CDK14: variants seen among roughly 807,000 people sequenced by gnomAD.
The protein encoded by CDK14 is cyclin dependent kinase 14.
Under a neutral mutation model 60.7 loss-of-function variants are expected in CDK14, and 34 were observed. The observed-to-expected ratio is 0.56, with a 90% CI of 0.43 to 0.75. CDK14 has a LOEUF of 0.75. Among genes scored for constraint, CDK14 ranks in the 30% least tolerant of loss-of-function variants. CDK14 has a pLI of 0.00. For missense variants in CDK14, 482 were observed against 564.1 expected (o/e 0.85, Z 1.47); for synonymous variants, 197 against 203.7 (o/e 0.97, Z 0.28).
At position 91,202,501 on chromosome 7, in the gene CDK14, A is replaced by G. The variant is rs145894230; in HGVS notation, c.*29-4664A>G. ...TAATAAAGGTAAGGGAAAGAATTACATTGATATTATATTTCACTTCCCTGT... is the reference window on the plus strand; with the variant it reads ...TAATAAAGGTAAGGGAAAGAATTACGTTGATATTATATTTCACTTCCCTGT... On this transcript the variant is annotated intron_variant, in intron 14 of 14. Transcript: ENST00000380050. Among the ~76,000 whole-genome samples the G allele has an allele frequency of 1.5e-3, 232 of 152,336 alleles. 2 individuals carry two copies. Among genetic ancestry groups the G allele is most frequent in the African/African-American group, 5.4e-3 (223 of 41,576 alleles).
intron 6 of CDK14, 54 bp downstream of exon 6, chr7:90,863,323 T>G (rs903681423): frequency 1.1e-5 from 12 of 1,079,104 alleles, no homozygotes; most frequent in South Asian, 4.2e-5. Flanking sequence ...ATGAAATTCT[T>G]ATAGTGTTGT....
At chr7:90,619,677 T>C (rs1465357437) in intron 2 of CDK14, among the ~76,000 whole-genome samples, 3 of 152,102 alleles carry the variant, frequency 2.0e-5, no homozygotes, top group Non-Finnish European at 4.4e-5. Flanking sequence ...GAAGGCTGTT[T>C]TGGGGAATGT....
At chr7:90,721,838 T>A (rs189041171) in intron 2 of CDK14, among the ~76,000 whole-genome samples, 1 of 152,306 alleles carries the variant, frequency 6.6e-6, no homozygotes. Context: ...TGAGGTTTTA[T>A]CTTTTACTAA....
At position 90,993,037 on chromosome 7, in the gene CDK14, CAGAAGGG is replaced by C. The variant is rs1795583699; in HGVS notation, c.1041+8806_1041+8812del. 2.0e-5 allele frequency among the ~76,000 whole-genome samples: 3 copies of C among 152,002 alleles called. No individual in the cohort carries two copies. In the South Asian group the frequency reaches 6.2e-4, roughly 32 times the overall value. ...CTGTTTTGGAGAGTAGATGATAGTT[CAGAAGGG>C]AGAAGGGAGGAAGAATGTCCAGAGG... On this transcript the variant is annotated intron_variant, in intron 10 of 14. Transcript: ENST00000380050.
intron 2 of CDK14, among the ~76,000 whole-genome samples, chr7:90,719,660 ATG>A (rs1802374541): frequency 1.3e-5 from 2 of 152,150 alleles, no homozygotes; most frequent in Non-Finnish European, 2.9e-5. Flanking sequence ...GAATATCCAT[ATG>A]TGTGGGTGCA....
intron 14 of CDK14, among the ~76,000 whole-genome samples, chr7:91,176,236 A>T (rs1238858428): frequency 1.3e-5 from 2 of 152,194 alleles, no homozygotes; most frequent in Non-Finnish European, 2.9e-5. Flanking sequence ...ATGAAGGCAT[A>T]AATAAAGATG....
chr7:90,775,329 A>T (rs932155132), intron 4 of CDK14, among the ~76,000 whole-genome samples: 1 of 152,218 alleles, frequency 6.6e-6, no homozygotes, highest in African/African-American at 2.4e-5. Context: ...TAGATACAGT[A>T]TGATATGTAG....
chr7:90,748,359 A>C (rs1007859262), intron 4 of CDK14, among the ~76,000 whole-genome samples: 9 of 152,064 alleles, frequency 5.9e-5, no homozygotes, highest in Non-Finnish European at 8.8e-5. Context: ...ATTCTTGAAA[A>C]GCTTGTCCTC....
At chr7:91,193,734 T>C (rs1020484640) in intron 14 of CDK14, among the ~76,000 whole-genome samples, 1 of 152,068 alleles carries the variant, frequency 6.6e-6, no homozygotes, top group African/African-American at 2.4e-5. Context: ...TAACTACATA[T>C]ACTTTATACA....
At chr7:91,061,794 G>A (rs1435814377) in intron 11 of CDK14, among the ~76,000 whole-genome samples, 1 of 152,212 alleles carries the variant, frequency 6.6e-6, no homozygotes, top group African/African-American at 2.4e-5. Flanking sequence ...GCCTTGTGAG[G>A]TGTCAGTCTG....
At chr7:90,908,865 T>A (rs1460225173) in intron 7 of CDK14, among the ~76,000 whole-genome samples, 1 of 152,198 alleles carries the variant, frequency 6.6e-6, no homozygotes, top group Non-Finnish European at 1.5e-5. Flanking sequence ...TTCTTTGGTA[T>A]AACTTGTTTT....
chr7:91,101,813 G>C (rs887405216), intron 12 of CDK14, among the ~76,000 whole-genome samples: 1 of 152,004 alleles, frequency 6.6e-6, no homozygotes, highest in Non-Finnish European at 1.5e-5. Flanking sequence ...ACCAATTTCT[G>C]ACCCCTCCTT....
At chr7:90,933,690 C>T (rs1040585786) in intron 8 of CDK14, among the ~76,000 whole-genome samples, 2 of 152,124 alleles carry the variant, frequency 1.3e-5, no homozygotes, top group African/African-American at 4.8e-5. Context: ...TTTCAAGGTC[C>T]AAATAGGATT....
chr7:91,096,803 G>A lies in CDK14; in HGVS notation c.1155-15739G>A, dbSNP rs1009020716. On this transcript the variant is annotated intron_variant, in intron 12 of 14. Coordinates refer to ENST00000380050, the MANE Select transcript of CDK14 (RefSeq NM_001287135.2). ...CTCACAGTATCATGGTCACAAAGTC[G>A]AGTGCATCACTAGGCCTTGGCCTGA... 9.9e-5 allele frequency among the ~76,000 whole-genome samples: 15 copies of A among 152,226 alleles called. 1 individual carries two copies. In the East Asian group the frequency reaches 2.7e-3, roughly 27 times the overall value.
intron 5 of CDK14, among the ~76,000 whole-genome samples, chr7:90,814,001 T>C (rs976332989): frequency 1.3e-5 from 2 of 152,176 alleles, no homozygotes; most frequent in Admixed American, 6.5e-5. Flanking sequence ...AGTGTCAACA[T>C]TAGTGATTTA....
At position 90,929,905 on chromosome 7, in the gene CDK14, A is replaced by G. The variant is rs192208801; in HGVS notation, c.826+12181A>G. 1.7e-3 allele frequency among the ~76,000 whole-genome samples: 256 copies of G among 152,292 alleles called. 1 individual carries two copies. The highest frequency in any genetic ancestry group is 6.8e-3 in the Middle Eastern group (2 of 294). The stretch of plus-strand genomic sequence containing the variant: ...GAGTGAACACTACTACTGCTGTCCA[A>G]TTTCAATGTTTGTTGTCTCTTAAGG... On this transcript the variant is annotated intron_variant, in intron 8 of 14. Transcript: ENST00000380050.
intron 13 of CDK14, among the ~76,000 whole-genome samples, chr7:91,114,085 C>G (rs1207987702): frequency 6.6e-6 from 1 of 152,094 alleles, no homozygotes; most frequent in Non-Finnish European, 1.5e-5. Flanking sequence ...TGTAAATAGG[C>G]TCACTAGTTT....
chr7:91,100,175 A>G lies in CDK14; in HGVS notation c.1155-12367A>G, dbSNP rs1222157861. Reference sequence around the variant, plus strand: ...TACTACCCCATATATGAAAAATACTATTAATGTTTGGTGATCTCTGATAAA... The same window carrying G: ...TACTACCCCATATATGAAAAATACTGTTAATGTTTGGTGATCTCTGATAAA... On this transcript the variant is annotated intron_variant, in intron 12 of 14. Transcript: ENST00000380050. Among the ~76,000 whole-genome samples, 7 of 152,204 alleles carry G rather than the reference A, an allele frequency of 4.6e-5. No individual in the cohort carries two copies. The South Asian group carries it at 1.0e-3, about 22-fold the overall frequency.
chr7:91,092,623 G>A (rs1309215386), intron 12 of CDK14, among the ~76,000 whole-genome samples: 1 of 152,142 alleles, frequency 6.6e-6, no homozygotes, highest in Non-Finnish European at 1.5e-5. Context: ...TTTCTGTGTT[G>A]GGAACAGCCA....
Sources: gnomAD v4.1 joint callset for allele counts (sites outside exome capture counted in the v4.1 genomes callset) on GRCh38, gnomAD v4.1.1 for gene constraint, MANE v1.5 for transcripts, NCBI Gene and HGNC (gene_info 2026-07-23, HGNC 2026-07-21) for gene names.